Variants in MELTF observed in about 807,000 individuals in gnomAD.
MELTF encodes the protein antigen p97 (melanoma associated) identified by monoclonal antibodies 133.2 and 96.5.
Under a neutral mutation model 83.7 loss-of-function variants are expected in MELTF, and 67 were observed. The ratio of observed to expected loss-of-function variants is 0.80; its 90% confidence interval spans 0.66 to 0.98. The LOEUF is 0.98. Among genes scored for constraint, MELTF ranks in the 50% least tolerant of loss-of-function variants. MELTF has a pLI of 0.00. For synonymous variants in MELTF, 462 were observed against 447.6 expected, an observed-to-expected ratio of 1.03 and a Z score of -0.41; for missense variants, 1,002 against 1,035.6, an observed-to-expected ratio of 0.97 and a Z score of 0.44.
chr3:197,021,725 T>C (rs1295380793), intron 5 of MELTF, among the ~76,000 whole-genome samples: 1 of 152,188 alleles, frequency 6.6e-6, no homozygotes, highest in African/African-American at 2.4e-5. Flanking sequence ...GATGAGAGGC[T>C]CCTTATAATC....
rs965943350 is a variant in MELTF, at chr3:197,023,017, C to A, written c.584G>T (p.Gly195Val). Residue 195 changes from glycine to valine, a missense_variant, in exon 5 of 16, where the codon GGG becomes GTG. By Grantham distance (109) the Gly-to-Val change is moderately radical. Transcript: ENST00000296350. ...LCRLCRGDSSGEGVCDKSPLE... is the reference protein window; with the variant it reads ...LCRLCRGDSSVEGVCDKSPLE... The stretch of plus-strand genomic sequence containing the variant: ...GGGGCTCTTGTCACACACCCCTTCC[C>A]CAGAGCTGTCACCCCTGCAGAGGCG... 1 of 1,613,774 alleles carries A rather than the reference C, an allele frequency of 6.2e-7. No homozygotes were observed.
Position 197,022,669 on chromosome 3 carries a change from A to G in MELTF, c.644+288T>C, listed in dbSNP as rs1054519701. 2.6e-5 allele frequency among the ~76,000 whole-genome samples: 4 copies of G among 152,200 alleles called. No individual in the cohort carries two copies. In the East Asian group the frequency reaches 7.7e-4, roughly 29 times the overall value. On this transcript the variant is annotated intron_variant, in intron 5 of 15. Coordinates refer to ENST00000296350, the MANE Select transcript of MELTF (RefSeq NM_005929.6). The surrounding 1 kb of genome is among the most constrained non-coding windows in gnomAD (Gnocchi z 5.1). ...TCCCTGCTGGTCTGAGAATGGGGAC[A>G]TGGGAGTGGCCAAAAGGCTGTTTTT...
chr3:197,028,657 G>C (rs780121379), intron 1 of MELTF: 2 of 152,438 alleles, frequency 1.3e-5, no homozygotes, highest in Admixed American at 1.3e-4. Context: ...GGATCTGACC[G>C]GGTCAGAGTC....
chr3:197,016,072 G>C (rs1179297289), intron 8 of MELTF, 117 bp downstream of exon 8: 2 of 870,756 alleles, frequency 2.3e-6, no homozygotes, highest in Non-Finnish European at 3.3e-6. Context: ...GAAATGACAG[G>C]TTCCCGCAGA....
rs1320811678 is a variant in MELTF, at chr3:197,019,881, G to A, written c.712+1523C>T. 2.7e-6 allele frequency: 4 copies of A among 1,465,632 alleles called. No homozygotes were observed. The African/African-American group carries it at 4.2e-5, about 16-fold the overall frequency. 90.8% of individuals were successfully genotyped at this position (1,465,632 alleles called of 1,614,324 possible). A position where few individuals can be genotyped will look rare whatever the true frequency, so the allele number is the denominator to read the frequency against. On this transcript the variant is annotated intron_variant, in intron 6 of 15. Coordinates refer to ENST00000296350, the MANE Select transcript of MELTF (RefSeq NM_005929.6). Reference sequence around the variant, plus strand: ...AAAACCCAATCATCAGACGTCCTGGGAGACGCAAAACTGCAGACAGAACGG... The same window carrying A: ...AAAACCCAATCATCAGACGTCCTGGAAGACGCAAAACTGCAGACAGAACGG...
chr3:197,019,614 C>T, intron 6 of MELTF: 6 of 1,603,188 alleles, frequency 3.7e-6, no homozygotes, highest in Non-Finnish European at 4.3e-6. Flanking sequence ...CTTAACCCAA[C>T]ATATCCCTAC....
At chr3:197,017,938 C>T (rs1399142593) in intron 6 of MELTF, among the ~76,000 whole-genome samples, 3 of 152,130 alleles carry the variant, frequency 2.0e-5, no homozygotes, top group Non-Finnish European at 2.9e-5. Context: ...GATGAGCTTG[C>T]GGCTGCCATG....
At chr3:197,020,152 A>G (rs1299816102) in intron 6 of MELTF, among the ~76,000 whole-genome samples, 1 of 152,232 alleles carries the variant, frequency 6.6e-6, no homozygotes, top group East Asian at 1.9e-4. Context: ...CTATAAAATA[A>G]CCGGCCTGAT....
chr3:197,016,081 G>A, intron 8 of MELTF, 108 bp downstream of exon 8: 1 of 978,310 alleles, frequency 1.0e-6, no homozygotes, highest in Non-Finnish European at 1.4e-6. Flanking sequence ...GGTTCCCGCA[G>A]AGGCCTCCCT....
chr3:197,015,307 G>C (rs1719321450), intron 9 of MELTF, 58 bp downstream of exon 9: 2 of 1,505,600 alleles, frequency 1.3e-6, no homozygotes, highest in Non-Finnish European at 1.8e-6. Context: ...AGTAAGAACT[G>C]CCCAGGCACT....
At chr3:197,020,508 CAATAA>C (rs776505321) in intron 6 of MELTF, among the ~76,000 whole-genome samples, 2 of 152,024 alleles carry the variant, frequency 1.3e-5, no homozygotes, top group Admixed American at 1.3e-4. Flanking sequence ...CACACACACA[CAATAA>C]AATGTGGGAA....
rs145886412 is a variant in MELTF, at chr3:197,022,543, G to A, written c.644+414C>T. Among the ~76,000 whole-genome samples, 3 of 152,218 alleles carry A rather than the reference G, an allele frequency of 2.0e-5. No individual in the cohort carries two copies. The East Asian group carries it at 5.8e-4, about 29-fold the overall frequency. On this transcript the variant is annotated intron_variant, in intron 5 of 15. Coordinates refer to ENST00000296350, the MANE Select transcript of MELTF (RefSeq NM_005929.6). The surrounding 1 kb of genome is among the most constrained non-coding windows in gnomAD (Gnocchi z 5.1). Reference sequence around the variant, plus strand: ...GATGGAATTGGACCACGAGCTGTTAGAGTCTCCTGCATCCACGGAAGGGTT... The same window carrying A: ...GATGGAATTGGACCACGAGCTGTTAAAGTCTCCTGCATCCACGGAAGGGTT...
At chr3:197,004,256 C>G (rs1718897200) in intron 14 of MELTF, 157 bp from the exon 15 acceptor site, 1 of 732,898 alleles carries the variant, frequency 1.4e-6, no homozygotes, top group Non-Finnish European at 2.3e-6. Context: ...AGCTTGACAA[C>G]TGATTGGCCT....
In MELTF at chr3:197,023,146, G is replaced by T. The variant is rs764398989; in HGVS notation, c.488-33C>A. ...AAGGAGGTAGAGAGGTCACTCAGCA[G>T]AACTTTCTTCAGAGCCAAGCCAAGC... On this transcript the variant is annotated intron_variant, in intron 4 of 15. Transcript: ENST00000296350. 2.5e-6 allele frequency: 4 copies of T among 1,611,096 alleles called. No individual in the cohort carries two copies. The Admixed American group carries it at 5.0e-5, about 20-fold the overall frequency.
At chr3:197,009,037 C>A in intron 11 of MELTF, 72 bp from the exon 12 acceptor site, 1 of 1,568,486 alleles carries the variant, frequency 6.4e-7, no homozygotes, top group Non-Finnish European at 8.7e-7. Context: ...GCGGGCCGCT[C>A]CCCCACAGGT....
rs905809034 is a variant in MELTF at position 197,029,728 on chromosome 3, G to C, written c.-26C>G. The C allele has an allele frequency of 8.1e-7, 1 of 1,229,266 alleles. No homozygotes were observed. Among genetic ancestry groups the C allele is most frequent in the Non-Finnish European group, 1.0e-6 (1 of 985,394 alleles). 76.1% of individuals were successfully genotyped at this position (1,229,266 alleles called of 1,614,324 possible). A position where few individuals can be genotyped will look rare whatever the true frequency, so the allele number is the denominator to read the frequency against. The stretch of plus-strand genomic sequence containing the variant: ...GGCGCCGTCGGGGCTGGCTGGGGCC[G>C]GGCTGGGGCTGGGTCCGGGTCCGAG... On this transcript the variant is annotated 5_prime_UTR_variant, in exon 1 of 16. Coordinates refer to ENST00000296350, the MANE Select transcript of MELTF (RefSeq NM_005929.6). The surrounding 1 kb of genome is among the most constrained non-coding windows in gnomAD (Gnocchi z 6.5).
chr3:197,006,624 C>T lies in MELTF; in HGVS notation c.1863G>A (p.Gln621=). The change falls in exon 14 of 16, where the codon CAG becomes CAA. Residue 621 remains glutamine (Q), a synonymous_variant. Transcript: ENST00000296350. This position sits in a 1 kb window ranked among gnomAD's most constrained non-coding sequence, Gnocchi z 5.4. ...VSQFAACNLA[Q]IPPHAVMVRP... ...GGACCATCACGGCGTGGGGTGGTATCTGTGCCAGGTTGCAGGCTGCAAACT... is the reference window on the plus strand; with the variant it reads ...GGACCATCACGGCGTGGGGTGGTATTTGTGCCAGGTTGCAGGCTGCAAACT... The T allele has an allele frequency of 6.2e-7, 1 of 1,613,202 alleles. No individual in the cohort carries two copies. Among genetic ancestry groups the T allele is most frequent in the African/African-American group, 1.3e-5 (1 of 75,008 alleles).
intron 6 of MELTF, 50 bp from the exon 7 acceptor site, chr3:197,017,340 G>T: frequency 1.4e-6 from 2 of 1,453,288 alleles, no homozygotes; most frequent in Non-Finnish European, 1.8e-6. Flanking sequence ...GGGTTGGGGC[G>T]GGTGGCGGGG....
chr3:197,016,635 G>A (rs1030497588), intron 7 of MELTF, among the ~76,000 whole-genome samples: 3 of 152,198 alleles, frequency 2.0e-5, no homozygotes, highest in African/African-American at 7.2e-5. Context: ...GGCATGGGAC[G>A]GTCCTGAGGA....
Sources: gnomAD v4.1 joint callset for allele counts (sites outside exome capture counted in the v4.1 genomes callset) on GRCh38, gnomAD v4.1.1 for gene constraint, Gnocchi (gnomAD v3.1) non-coding constraint, MANE v1.5 for transcripts, NCBI Gene and HGNC (gene_info 2026-07-23, HGNC 2026-07-21) for gene names.